Variants in ZFYVE9 observed in about 807,000 individuals in gnomAD.
ZFYVE9 encodes zinc finger FYVE domain-containing protein 9.
Under a neutral mutation model 126.7 loss-of-function variants are expected in ZFYVE9, and 43 were observed. The ratio of observed to expected loss-of-function variants is 0.34; its 90% CI spans 0.27 to 0.44. The LOEUF is 0.44. Ranked by LOEUF, ZFYVE9 falls within the 20% of genes least tolerant of loss-of-function variation. The probability of loss-of-function intolerance (pLI) is 1.00; values close to 1 mark genes in which losing one functional copy is unlikely to be tolerated. For synonymous variants in ZFYVE9, 521 were observed against 597.4 expected, an observed-to-expected ratio of 0.87 and a Z score of 1.87; for missense variants, 1,476 against 1,697.0, an observed-to-expected ratio of 0.87 and a Z score of 2.29.
At chr1:52,197,072 T>TGGA (rs1406852069) in intron 1 of ZFYVE9, among the ~76,000 whole-genome samples, 1 of 152,026 alleles carries the variant, frequency 6.6e-6, no homozygotes, top group Non-Finnish European at 1.5e-5. Context: ...GAGAATGGAT[T>TGGA]GGAGGAGGAG....
Position 52,238,759 on chromosome 1 carries a change from G to C in ZFYVE9, c.1342G>C (p.Asp448His), listed in dbSNP as rs978429304. 6.2e-7 allele frequency: 1 copy of C among 1,614,054 alleles called. No homozygotes were observed. The highest frequency in any genetic ancestry group is 8.5e-7 in the Non-Finnish European group (1 of 1,179,954). Residue 448 changes from aspartate (D) to histidine (H), a missense_variant, in exon 4 of 19, where the codon GAT (aspartate) becomes CAT (histidine). Asp to His is a moderately conservative substitution (Grantham distance 81). Transcript: ENST00000287727. ...TGTTGGATTGGCAGATGCAGGTCTA[G>C]ATTTAAAAGGAACTTGCATTAGTGA... ...QCVGLADAGL[D>H]LKGTCISESE... is the part of the protein sequence containing the mutation.
chr1:52,248,041 G>T (rs555915744), intron 4 of ZFYVE9, among the ~76,000 whole-genome samples: 1 of 152,108 alleles, frequency 6.6e-6, no homozygotes, highest in Non-Finnish European at 1.5e-5. Context: ...TAATAGGTAG[G>T]ATATATGTAT....
chr1:52,151,818 A>T (rs1352273512), intron 1 of ZFYVE9, among the ~76,000 whole-genome samples: 2 of 151,886 alleles, frequency 1.3e-5, no homozygotes, highest in African/African-American at 2.4e-5. Context: ...CTCTGAGCCC[A>T]TCCAGGATTT....
At chr1:52,243,511 C>G (rs1173200584) in intron 4 of ZFYVE9, among the ~76,000 whole-genome samples, 1 of 152,144 alleles carries the variant, frequency 6.6e-6, no homozygotes, top group Non-Finnish European at 1.5e-5. Context: ...ATTCAACAAA[C>G]TGAAGGAACT....
intron 1 of ZFYVE9, among the ~76,000 whole-genome samples, chr1:52,195,433 T>C (rs1390589993): frequency 6.6e-6 from 1 of 152,202 alleles, no homozygotes; most frequent in East Asian, 1.9e-4. Flanking sequence ...TCAACAAATA[T>C]TTGACTGCTT....
chr1:52,220,862 G>C (rs1348190400), intron 2 of ZFYVE9, among the ~76,000 whole-genome samples: 2 of 152,220 alleles, frequency 1.3e-5, no homozygotes, highest in Non-Finnish European at 2.9e-5. Context: ...CTTTTCAGAA[G>C]AGGCAGCTTG....
At chr1:52,336,308 T>C (rs1311316393) in intron 15 of ZFYVE9, among the ~76,000 whole-genome samples, 7 of 151,716 alleles carry the variant, frequency 4.6e-5, no homozygotes, top group Non-Finnish European at 1.0e-4. Flanking sequence ...TTACAACTCT[T>C]GACTACAAAA....
chr1:52,188,177 G>GA (rs1367238527), intron 1 of ZFYVE9, among the ~76,000 whole-genome samples: 1 of 152,082 alleles, frequency 6.6e-6, no homozygotes, highest in African/African-American at 2.4e-5. Context: ...TGCTGTGCAG[G>GA]AACACGGATG....
Position 52,154,472 on chromosome 1 carries a change from C to G in ZFYVE9, c.-143+12069C>G, listed in dbSNP as rs1458630425. On this transcript the variant is annotated intron_variant, in intron 1 of 18. Transcript: ENST00000287727. ...CATTTATGTCCCCATCTTGCCACTTCTGGGTGACCGATGTCAGCTAGTTGA... is the reference window on the plus strand; with the variant it reads ...CATTTATGTCCCCATCTTGCCACTTGTGGGTGACCGATGTCAGCTAGTTGA... Among the ~76,000 whole-genome samples the G allele has an allele frequency of 2.0e-5, 3 of 152,232 alleles. No individual in the cohort carries two copies. In the East Asian group the frequency reaches 5.8e-4, roughly 29 times the overall value.
At chr1:52,231,543 T>G (rs1645221464) in intron 2 of ZFYVE9, among the ~76,000 whole-genome samples, 1 of 152,112 alleles carries the variant, frequency 6.6e-6, no homozygotes, top group Admixed American at 6.5e-5. Context: ...ACAGATTATG[T>G]AGCTTATTTG....
chr1:52,308,765 A>G (rs934703683), intron 13 of ZFYVE9, among the ~76,000 whole-genome samples: 1 of 152,178 alleles, frequency 6.6e-6, no homozygotes, highest in African/African-American at 2.4e-5. Context: ...CTAGAATTCT[A>G]TGCATACTAT....
At chr1:52,205,260 C>T (rs559353605) in intron 1 of ZFYVE9, among the ~76,000 whole-genome samples, 34 of 151,404 alleles carry the variant, frequency 2.2e-4, no homozygotes, top group Non-Finnish European at 4.0e-4. Flanking sequence ...TTTTTTGTAG[C>T]GATAGGGTTT....
chr1:52,292,294 AAAAAC>A (rs1398276196), intron 10 of ZFYVE9, among the ~76,000 whole-genome samples: 2 of 151,402 alleles, frequency 1.3e-5, no homozygotes, highest in African/African-American at 2.4e-5. Context: ...AAAAAAAAAA[AAAAAC>A]AAAACGAGAA....
chr1:52,204,868 G>A (rs894958733), intron 1 of ZFYVE9, among the ~76,000 whole-genome samples: 1 of 152,164 alleles, frequency 6.6e-6, no homozygotes, highest in African/African-American at 2.4e-5. Context: ...GAAAGTGTGG[G>A]AGTCCCCTTG....
chr1:52,260,543 A>G (rs1433216974), intron 4 of ZFYVE9, among the ~76,000 whole-genome samples: 2 of 152,038 alleles, frequency 1.3e-5, no homozygotes, highest in Non-Finnish European at 2.9e-5. Context: ...GGGGCTGGGC[A>G]CGGTAGTTCA....
At chr1:52,225,618 T>A (rs1296551980) in intron 2 of ZFYVE9, among the ~76,000 whole-genome samples, 9 of 152,056 alleles carry the variant, frequency 5.9e-5, no homozygotes, top group Non-Finnish European at 1.3e-4. Flanking sequence ...CCAAATAGGG[T>A]AAAAGTGTGA....
intron 10 of ZFYVE9, among the ~76,000 whole-genome samples, chr1:52,284,725 A>AT (rs905867311): frequency 1.5e-4 from 23 of 152,116 alleles, no homozygotes; most frequent in Middle Eastern, 3.4e-3. Flanking sequence ...AGCAATGGTT[A>AT]TTTTTTTAAA....
At chr1:52,193,299 C>T (rs571108578) in intron 1 of ZFYVE9, among the ~76,000 whole-genome samples, 1 of 146,178 alleles carries the variant, frequency 6.8e-6, no homozygotes, top group South Asian at 2.2e-4. Context: ...AGAAAGAAAA[C>T]ATTTAAATAC....
At chr1:52,297,523 GC>G (rs1205010958) in intron 12 of ZFYVE9, among the ~76,000 whole-genome samples, 6 of 151,940 alleles carry the variant, frequency 3.9e-5, no homozygotes, top group African/African-American at 1.4e-4. Context: ...ACAGGCATGA[GC>G]CACCATGCCC....
Sources: gnomAD v4.1 joint callset for allele counts (sites outside exome capture counted in the v4.1 genomes callset) on GRCh38, gnomAD v4.1.1 for gene constraint, MANE v1.5 for transcripts, NCBI Gene and HGNC (gene_info 2026-07-23, HGNC 2026-07-21) for gene names.